The following TRMT5 variants were observed in gnomAD, a reference collection of about 807,000 sequenced individuals.
TRMT5 encodes the protein tRNA methyltransferase 5.
In TRMT5, 31 loss-of-function variants were observed where a neutral mutation model predicts 42.2. That is an observed-to-expected ratio of 0.73 (90% CI 0.55 to 0.99). TRMT5 has a LOEUF of 0.99. TRMT5 is among the 50% of genes least tolerant of loss of function. The pLI, the probability that TRMT5 is intolerant of heterozygous loss-of-function variation, is 0.00. For synonymous variants in TRMT5, 198 were observed against 209.6 expected (o/e 0.94, Z 0.48); for missense variants, 568 against 595.0 (o/e 0.95, Z 0.47).
intron 3 of TRMT5, among the ~76,000 whole-genome samples, chr14:60,976,986 C>T (rs2036856454): frequency 6.6e-6 from 1 of 152,070 alleles, no homozygotes; most frequent in Non-Finnish European, 1.5e-5. Flanking sequence ...TAGATAGATA[C>T]ATCTTCCATC....
chr14:60,975,459 C>A lies in TRMT5; in HGVS notation c.1444+16G>T, dbSNP rs1202004391. ...GAATGGCAAGGTTTACATTTAATTT[C>A]CCAGAAACTGCTCACCTGGATTTCT... On this transcript the variant is annotated intron_variant, in intron 4 of 4. Transcript: ENST00000261249. The A allele has an allele frequency of 1.3e-6, 2 of 1,598,556 alleles. No individual in the cohort carries two copies. The highest frequency in any genetic ancestry group is 4.5e-5 in the East Asian group (2 of 44,672).
rs1400186238 is a variant in TRMT5 at position 60,972,011 on chromosome 14, AG to A, written c.*3097del. The A allele has an allele frequency of 7.7e-6, 2 of 258,616 alleles. No individual in the cohort carries two copies. The highest frequency in any genetic ancestry group is 4.6e-5 in the African/African-American group (2 of 43,518). The allele number at this position is 258,616 out of a possible 1,614,324, so 16.0% of individuals were successfully genotyped here. On this transcript the variant is annotated 3_prime_UTR_variant, in exon 5 of 5. Transcript: ENST00000261249. The stretch of plus-strand genomic sequence containing the variant: ...GAAATCCCTCCTCCTGGGAGCCAAG[AG>A]GAAGTCTCTCAAAACTAGAAGGGAA...
In TRMT5 at chr14:60,975,959, G is replaced by A; in HGVS notation, c.960C>T (p.Asn320=). The A allele has an allele frequency of 6.2e-7, 1 of 1,614,198 alleles. No individual in the cohort carries two copies. ...GPFAIPVAKK[N]CTVFANDLNP... ...TGAGATCATTGGCAAATACAGTGCA[G>A]TTTTTCTTTGCTACTGGAATGGCAA... Residue 320 remains asparagine (N), a synonymous_variant, in exon 4 of 5, where the codon AAC becomes AAT. Coordinates refer to ENST00000261249, the MANE Select transcript of TRMT5 (RefSeq NM_020810.3).
In TRMT5 at chr14:60,978,102, T is replaced by C. The variant is rs1009510868; in HGVS notation, c.668-464A>G. Among the ~76,000 whole-genome samples the C allele has an allele frequency of 2.0e-5, 3 of 152,004 alleles. No individual in the cohort carries two copies. The East Asian group carries it at 5.8e-4, about 29-fold the overall frequency. On this transcript the variant is annotated intron_variant, in intron 2 of 4. Transcript: ENST00000261249. ...GGCTTTGGAACAAATGCCCCCACTT[T>C]AGAAATATATGCCAGCAAAACAATG... is the stretch of plus-strand genomic sequence containing the variant.
At position 60,975,797 on chromosome 14, in the gene TRMT5, C is replaced by A. The variant is rs763689351; in HGVS notation, c.1122G>T (p.Leu374=). 6.2e-7 allele frequency: 1 copy of A among 1,614,234 alleles called. No homozygotes were observed. The highest frequency in any genetic ancestry group is 8.5e-7 in the Non-Finnish European group (1 of 1,180,036). Residue 374 remains leucine (L), a synonymous_variant, in exon 4 of 5, where the codon CTG becomes CTT. Transcript: ENST00000261249. ...VKEELMQLLG[L]SKERKPSVHV... ...GCACAGAGGGTTTTCTTTCTTTTGACAGACCCAGCAGCTGCATTAACTCTT... is the reference window on the plus strand; with the variant it reads ...GCACAGAGGGTTTTCTTTCTTTTGAAAGACCCAGCAGCTGCATTAACTCTT...
In TRMT5 at chr14:60,972,470, G is replaced by GGCA. The variant is rs2036789489; in HGVS notation, c.*2638_*2639insTGC. On this transcript the variant is annotated 3_prime_UTR_variant, in exon 5 of 5. Transcript: ENST00000261249. ...CTTCAGTCTTTCTCTTGGGCATGGC[G>GGCA]GCGGCGGCGGCGGCGGGATGTGGGC... 1 of 483,898 alleles carries GGCA rather than the reference G, an allele frequency of 2.1e-6. No homozygotes were observed. Among genetic ancestry groups the GGCA allele is most frequent in the Admixed American group, 2.2e-5 (1 of 45,478 alleles). The allele number at this position is 483,898 out of a possible 1,614,324, so 30.0% of individuals were successfully genotyped here. A position where few individuals can be genotyped will look rare whatever the true frequency, so the allele number is the denominator to read the frequency against.
At chr14:60,981,472 C>G, upstream of TRMT5, 1 of 1,540,668 alleles carries the variant, frequency 6.5e-7, no homozygotes, top group Non-Finnish European at 8.7e-7. Flanking sequence ...GAGGACCGCA[C>G]CGGGACAGGG....
chr14:60,977,035 TA>T (rs903779956), intron 3 of TRMT5, among the ~76,000 whole-genome samples: 13 of 150,650 alleles, frequency 8.6e-5, no homozygotes, highest in South Asian at 2.1e-4. Context: ...TTTGTATGTA[TA>T]TTTTTTTTCC....
At position 60,971,953 on chromosome 14, in the gene TRMT5, T is replaced by C; in HGVS notation, c.*3156A>G. 4.0e-6 allele frequency: 1 copy of C among 248,598 alleles called. No individual in the cohort carries two copies. The highest frequency in any genetic ancestry group is 7.8e-6 in the Non-Finnish European group (1 of 127,714). The allele number at this position is 248,598 out of a possible 1,614,324, so 15.4% of individuals were successfully genotyped here. The stretch of plus-strand genomic sequence containing the variant: ...TTTGTTTTTCCATACCACAAGGCTT[T>C]TGTGCCAAGGTGGCCATGTGTGTCA... On this transcript the variant is annotated 3_prime_UTR_variant, in exon 5 of 5. Coordinates refer to ENST00000261249, the MANE Select transcript of TRMT5 (RefSeq NM_020810.3).
At chr14:60,981,115 T>C (rs765185515), upstream of TRMT5, 15 of 1,574,950 alleles carry the variant, frequency 9.5e-6, 1 homozygote, top group Middle Eastern at 1.7e-4. Context: ...AGGGCGCGCG[T>C]CATCAGATCA....
At position 60,979,689 on chromosome 14, in the gene TRMT5, GTCTC is replaced by G. The variant is rs770316501; in HGVS notation, c.205_208del (p.Glu69LeufsTer13). On this transcript the variant is annotated frameshift_variant, in exon 2 of 5. Coordinates refer to ENST00000261249, the MANE Select transcript of TRMT5 (RefSeq NM_020810.3). LOFTEE classifies it high-confidence loss of function. The stretch of plus-strand genomic sequence containing the variant: ...ATCAGAAGGTGGTGAAAACAATTCA[GTCTC>G]TCTCTCATGTGTTTCTGTTTCTGGC... 1.9e-6 allele frequency: 3 copies of G among 1,613,930 alleles called. No individual in the cohort carries two copies. Among genetic ancestry groups the G allele is most frequent in the African/African-American group, 1.3e-5 (1 of 74,876 alleles).
In TRMT5 at chr14:60,971,493, A is replaced by G. The variant is rs1243231101; in HGVS notation, c.*3616T>C. ...GCTTTATTAAAGATACTTTCCATAAACAATCATGGTATTTCAGGCAGGACA... is the reference window on the plus strand; with the variant it reads ...GCTTTATTAAAGATACTTTCCATAAGCAATCATGGTATTTCAGGCAGGACA... On this transcript the variant is annotated 3_prime_UTR_variant, in exon 5 of 5. Transcript: ENST00000261249. 6.6e-6 allele frequency: 1 copy of G among 152,652 alleles called. No individual in the cohort carries two copies. Among genetic ancestry groups the G allele is most frequent in the East Asian group, 1.9e-4 (1 of 5,200 alleles). The allele number at this position is 152,652 out of a possible 1,614,324, so 9.5% of individuals were successfully genotyped here. A position where few individuals can be genotyped will look rare whatever the true frequency, so the allele number is the denominator to read the frequency against.
In TRMT5 at chr14:60,975,554, C is replaced by T. The variant is rs747636717; in HGVS notation, c.1365G>A (p.Val455=). The change falls in exon 4 of 5, where the codon GTG becomes GTA. Residue 455 remains valine, a synonymous_variant. Coordinates refer to ENST00000261249, the MANE Select transcript of TRMT5 (RefSeq NM_020810.3). The part of the protein sequence containing the change: ...ACSSVHLVRN[V]APNKEMLCIT... ...TGCACAGCATTTCCTTGTTTGGGGC[C>T]ACATTTCTTACCAGGTGAACTGAAC... The T allele has an allele frequency of 4.3e-6, 7 of 1,614,062 alleles. No homozygotes were observed. In the African/African-American group the frequency reaches 9.3e-5, roughly 22 times the overall value.
chr14:60,980,744 G>A, intron 1 of TRMT5: 1 of 674,950 alleles, frequency 1.5e-6, no homozygotes, highest in South Asian at 1.9e-5. Flanking sequence ...GGTGACCCTG[G>A]ATAAATTACT....
At position 60,975,620 on chromosome 14, in the gene TRMT5, T is replaced by G. The variant is rs1167015323; in HGVS notation, c.1299A>C (p.Gln433His). 2 of 1,614,162 alleles carry G rather than the reference T, an allele frequency of 1.2e-6. No individual in the cohort carries two copies. Among genetic ancestry groups the G allele is most frequent in the Admixed American group, 3.3e-5 (2 of 60,022 alleles). ...KDANPAEDVR[Q>H]RAGAVLGISL... ...AAATGCCTAACACAGCTCCAGCCCTTTGCCGAACATCCTCAGCAGGGTTAG... is the reference window on the plus strand; with the variant it reads ...AAATGCCTAACACAGCTCCAGCCCTGTGCCGAACATCCTCAGCAGGGTTAG... Residue 433 changes from glutamine (Q) to histidine (H), a missense_variant, in exon 4 of 5, where the codon CAA becomes CAC. Gln to His is a conservative substitution (Grantham distance 24, BLOSUM62 0). Transcript: ENST00000261249.
Position 60,980,257 on chromosome 14 carries a change from G to C in TRMT5, c.12-371C>G, listed in dbSNP as rs74324684. 3.2e-3 allele frequency among the ~76,000 whole-genome samples: 480 copies of C among 152,332 alleles called. 1 individual carries two copies. Among genetic ancestry groups the C allele is most frequent in the African/African-American group, 0.011 (449 of 41,568 alleles). ...TAGTCATTATACATGACCATTACTA[G>C]TGGTGATATTTATTAGGATAGTCTC... On this transcript the variant is annotated intron_variant, in intron 1 of 4. Transcript: ENST00000261249.
chr14:60,976,136 G>A lies in TRMT5; in HGVS notation c.793-10C>T. On this transcript the variant is annotated splice_polypyrimidine_tract_variant and intron_variant, in intron 3 of 4. Coordinates refer to ENST00000261249, the MANE Select transcript of TRMT5 (RefSeq NM_020810.3). ...AGTTGTTTTCTCGAACCTGAAAAAA[G>A]GTGTTATGCTTTTTGGTTAATTTCC... 1 of 1,594,762 alleles carries A rather than the reference G, an allele frequency of 6.3e-7. No individual in the cohort carries two copies. Among genetic ancestry groups the A allele is most frequent in the African/African-American group, 1.4e-5 (1 of 73,982 alleles).
Position 60,979,224 on chromosome 14 carries a change from C to T in TRMT5, c.667+7G>A. 1 of 1,591,204 alleles carries T rather than the reference C, an allele frequency of 6.3e-7. No individual in the cohort carries two copies. Among genetic ancestry groups the T allele is most frequent in the Non-Finnish European group, 8.6e-7 (1 of 1,169,304 alleles). On this transcript the variant is annotated splice_region_variant and intron_variant, in intron 2 of 4. Coordinates refer to ENST00000261249, the MANE Select transcript of TRMT5 (RefSeq NM_020810.3). ...CAAATACATGAATATTACTATGACACACGTACCAATTAAATGTTTGAAAGG... is the reference window on the plus strand; with the variant it reads ...CAAATACATGAATATTACTATGACATACGTACCAATTAAATGTTTGAAAGG...
In TRMT5 at chr14:60,979,584, A is replaced by G. The variant is rs766251529; in HGVS notation, c.314T>C (p.Ile105Thr). Residue 105 changes from isoleucine (I) to threonine (T), a missense_variant, in exon 2 of 5, where the codon ATA becomes ACA. By Grantham distance (89) the Ile-to-Thr change is moderately conservative. Coordinates refer to ENST00000261249, the MANE Select transcript of TRMT5 (RefSeq NM_020810.3). ...TAGGGATCGCATCAATTTACTGACT[A>G]TTTCTTTCCTCACTTTAAGCACTGG... is the stretch of plus-strand genomic sequence containing the variant. ...NIPVLKVRKE[I>T]VSKLMRSLKR... 3.7e-6 allele frequency: 6 copies of G among 1,611,136 alleles called. No individual in the cohort carries two copies. The East Asian group carries it at 1.3e-4, about 36-fold the overall frequency.
Sources: allele counts gnomAD v4.1 joint callset (sites outside exome capture counted in the v4.1 genomes callset), GRCh38; gene constraint gnomAD v4.1.1; transcripts MANE v1.5; gene names NCBI Gene and HGNC (gene_info 2026-07-23, HGNC 2026-07-21).